The following CELF2 variants were observed in gnomAD, a reference collection of about 807,000 sequenced individuals.
CELF2 encodes CUG triplet repeat RNA-binding protein 2.
A neutral mutation model predicts 62.6 loss-of-function variants in CELF2; 8 were observed. That is an observed-to-expected ratio of 0.13 (90% CI 0.07 to 0.23). The LOEUF is 0.23. Ranked by LOEUF, CELF2 falls within the 10% of genes least tolerant of loss-of-function variation. The probability of loss-of-function intolerance (pLI) is 1.00; values close to 1 mark genes in which losing one functional copy is unlikely to be tolerated. For synonymous variants in CELF2, 258 were observed against 250.0 expected (o/e 1.03, Z -0.30); for missense variants, 333 against 671.0 (o/e 0.50, Z 5.56).
chr10:10,908,428 T>G (rs1017956959), intron 1 of CELF2, among the ~76,000 whole-genome samples: 3 of 151,456 alleles, frequency 2.0e-5, no homozygotes, highest in African/African-American at 2.4e-5. Context: ...CACTGTGTTA[T>G]CCAGGATGGT....
chr10:10,791,641 T>C, the CELF2 span, among the ~76,000 whole-genome samples: 1 of 152,188 alleles, frequency 6.6e-6, no homozygotes, highest in African/African-American at 2.4e-5. Flanking sequence ...TAGTTCAGTA[T>C]AGATTCTAAA....
At chr10:11,240,936 A>G (rs2073647757) in intron 3 of CELF2, among the ~76,000 whole-genome samples, 1 of 152,082 alleles carries the variant, frequency 6.6e-6, no homozygotes, top group African/African-American at 2.4e-5. Flanking sequence ...CACCGGACAG[A>G]CCTGGATTCG....
chr10:10,668,182 T>A, the CELF2 span, among the ~76,000 whole-genome samples: 3 of 152,220 alleles, frequency 2.0e-5, no homozygotes, highest in African/African-American at 7.2e-5. Context: ...AAACTGTACA[T>A]ATTTAAAATG....
At chr10:11,013,865 T>G (rs555982930), upstream of CELF2, among the ~76,000 whole-genome samples, 1 of 152,372 alleles carries the variant, frequency 6.6e-6, no homozygotes, top group East Asian at 1.9e-4. The surrounding 1 kb of genome is among the most constrained non-coding windows in gnomAD (Gnocchi z 4.1). Flanking sequence ...AATGTGTCAC[T>G]TAAGGATATG....
chr10:11,161,840 C>A (rs1184188251), intron 1 of CELF2, among the ~76,000 whole-genome samples: 1 of 152,150 alleles, frequency 6.6e-6, no homozygotes, highest in African/African-American at 2.4e-5. Context: ...GTAATTACTT[C>A]TCTTTGAAGA....
chr10:10,640,285 T>C, the CELF2 span, among the ~76,000 whole-genome samples: 2 of 152,224 alleles, frequency 1.3e-5, no homozygotes, highest in Non-Finnish European at 2.9e-5. Context: ...TTCAGTCAGT[T>C]TTGCAATGCT....
In CELF2 at chr10:11,017,913, C is replaced by A. The variant is rs1235437500; in HGVS notation, c.-177C>A. On this transcript the variant is annotated 5_prime_UTR_variant, in exon 1 of 13. Transcript: ENST00000633077. The surrounding 1 kb of genome is among the most constrained non-coding windows in gnomAD (Gnocchi z 5.5). ...CCTGGCGCTCGGCAGCCGGCCGCCC[C>A]GGCGCTGGATTTCGGAGGGGATTGG... 3.1e-6 allele frequency: 3 copies of A among 980,676 alleles called. No individual in the cohort carries two copies. Among genetic ancestry groups the A allele is most frequent in the Non-Finnish European group, 3.6e-6 (3 of 827,712 alleles). The allele number at this position is 980,676 out of a possible 1,614,324, so 60.7% of individuals were successfully genotyped here.
At chr10:10,781,704 G>T in the CELF2 span, among the ~76,000 whole-genome samples, 1 of 152,166 alleles carries the variant, frequency 6.6e-6, no homozygotes, top group Admixed American at 6.5e-5. Context: ...CACATCAGTA[G>T]CCTAGGTGTG....
chr10:10,711,398 G>T, the CELF2 span, among the ~76,000 whole-genome samples: 2 of 152,110 alleles, frequency 1.3e-5, no homozygotes, highest in Non-Finnish European at 2.9e-5. Context: ...TTTGTGATTG[G>T]CTGGTGTCAG....
chr10:11,215,309 A>G (rs1473867718), intron 2 of CELF2, among the ~76,000 whole-genome samples: 1 of 152,174 alleles, frequency 6.6e-6, no homozygotes, highest in Non-Finnish European at 1.5e-5. Context: ...AGAAGTGCAC[A>G]CAATTCACTC....
upstream of CELF2, among the ~76,000 whole-genome samples, chr10:10,794,376 A>G (rs142112557): frequency 7.0e-3 from 1,066 of 152,338 alleles, 16 homozygotes; most frequent in African/African-American, 0.024. Context: ...TAGGATAACC[A>G]GAAAGGGAAA....
the CELF2 span, among the ~76,000 whole-genome samples, chr10:10,601,328 G>C: frequency 6.6e-6 from 1 of 152,154 alleles, no homozygotes; most frequent in Non-Finnish European, 1.5e-5. Flanking sequence ...ACAGGGATGG[G>C]GACAGCAGCA....
the CELF2 span, among the ~76,000 whole-genome samples, chr10:10,757,946 C>T: frequency 2.6e-5 from 4 of 152,124 alleles, no homozygotes; most frequent in African/African-American, 9.7e-5. Context: ...GTTTGAGCCC[C>T]GGGACCTTCT....
chr10:10,777,866 A>T, the CELF2 span, among the ~76,000 whole-genome samples: 1 of 152,056 alleles, frequency 6.6e-6, no homozygotes, highest in South Asian at 2.1e-4. Context: ...ATAAACTCTC[A>T]GCAGCTTCTT....
chr10:11,281,021 T>TG (rs1555055100), intron 8 of CELF2, among the ~76,000 whole-genome samples: 6 of 150,506 alleles, frequency 4.0e-5, no homozygotes, highest in South Asian at 4.2e-4. Flanking sequence ...TGTGTGTGTG[T>TG]TCAGAATGGG....
intron 8 of CELF2, among the ~76,000 whole-genome samples, chr10:11,287,660 A>G (rs1307033004): frequency 6.6e-6 from 1 of 152,262 alleles, no homozygotes; most frequent in African/African-American, 2.4e-5. Context: ...TTCATCAAAT[A>G]TGAAATTTGA....
At chr10:10,910,815 G>A (rs1223168118) in intron 1 of CELF2, among the ~76,000 whole-genome samples, 1 of 152,096 alleles carries the variant, frequency 6.6e-6, no homozygotes, top group East Asian at 1.9e-4. Flanking sequence ...AGTTCTGGGA[G>A]TACAAGTTGG....
At chr10:11,287,992 A>G (rs1019430694) in intron 8 of CELF2, among the ~76,000 whole-genome samples, 2 of 152,214 alleles carry the variant, frequency 1.3e-5, no homozygotes, top group Non-Finnish European at 2.9e-5. Flanking sequence ...CTGCTGCCAC[A>G]TCTCACCATG....
chr10:11,060,708 G>A (rs772250039), intron 1 of CELF2, among the ~76,000 whole-genome samples: 6 of 152,100 alleles, frequency 3.9e-5, no homozygotes, highest in African/African-American at 9.7e-5. Flanking sequence ...GCCATTTCCC[G>A]ATAGCATTTT....
Sources: gnomAD v4.1 joint callset for allele counts (sites outside exome capture counted in the v4.1 genomes callset) on GRCh38, gnomAD v4.1.1 for gene constraint, Gnocchi (gnomAD v3.1) non-coding constraint, MANE v1.5 for transcripts, NCBI Gene and HGNC (gene_info 2026-07-23, HGNC 2026-07-21) for gene names.